The following HAO1 variants were observed in gnomAD, a reference collection of about 807,000 sequenced individuals.
HAO1 encodes the protein 2-Hydroxyacid oxidase 1.
A neutral mutation model predicts 39.7 loss-of-function variants in HAO1; 34 were observed. That is an observed-to-expected ratio of 0.86 (90% CI 0.65 to 1.14). The LOEUF is 1.14. Among genes scored for constraint, HAO1 ranks in the 50% most tolerant of loss-of-function variants. The pLI is 0.00. For missense variants in HAO1, 479 were observed against 464.5 expected (o/e 1.03, Z -0.29); for synonymous variants, 172 against 173.2 (o/e 0.99, Z 0.05).
intron 1 of HAO1, among the ~76,000 whole-genome samples, chr20:7,940,019 T>C (rs1452284951): frequency 2.0e-5 from 3 of 152,224 alleles, no homozygotes; most frequent in South Asian, 2.1e-4. Context: ...TATTTTTACA[T>C]GTAGTTAAAT....
chr20:7,927,379 CA>C (rs1168747211), intron 2 of HAO1, among the ~76,000 whole-genome samples: 3 of 151,524 alleles, frequency 2.0e-5, no homozygotes, highest in Non-Finnish European at 2.9e-5. Context: ...GAAAAAAATT[CA>C]AAAAAATAAA....
intron 3 of HAO1, 77 bp from the exon 4 acceptor site, chr20:7,906,406 G>A (rs1313211760): frequency 3.7e-6 from 3 of 817,220 alleles, no homozygotes; most frequent in Non-Finnish European, 6.1e-6. Flanking sequence ...AATGAAAAAT[G>A]TTACCCTTTT....
chr20:7,915,609 A>G (rs1038036259), intron 2 of HAO1, among the ~76,000 whole-genome samples: 5 of 152,186 alleles, frequency 3.3e-5, no homozygotes, highest in Admixed American at 3.3e-4. Flanking sequence ...AGAGAGATAG[A>G]CTTATGTATG....
intron 2 of HAO1, among the ~76,000 whole-genome samples, chr20:7,932,663 G>A (rs559492317): frequency 3.8e-4 from 58 of 151,940 alleles, no homozygotes; most frequent in Non-Finnish European, 6.8e-4. Flanking sequence ...CTACATTATT[G>A]CACTCTTCCT....
intron 5 of HAO1, among the ~76,000 whole-genome samples, chr20:7,886,903 A>G (rs746187413): frequency 2.6e-5 from 4 of 152,180 alleles, no homozygotes; most frequent in Non-Finnish European, 5.9e-5. Context: ...TGAGAAGACC[A>G]TCCACCAGGT....
chr20:7,903,243 A>G (rs1040900371), intron 4 of HAO1, among the ~76,000 whole-genome samples: 2 of 152,036 alleles, frequency 1.3e-5, no homozygotes, highest in Non-Finnish European at 2.9e-5. Context: ...GTACATGTAT[A>G]AATAAGTTAT....
chr20:7,903,667 C>A (rs1190812823), intron 4 of HAO1, among the ~76,000 whole-genome samples: 1 of 136,158 alleles, frequency 7.3e-6, no homozygotes, highest in South Asian at 2.4e-4. Context: ...GTGGTGGTGG[C>A]AGTGGTGGTG....
chr20:7,940,208 C>A (rs560133034), intron 1 of HAO1, 78 bp downstream of exon 1: 3 of 1,208,070 alleles, frequency 2.5e-6, no homozygotes, highest in Non-Finnish European at 3.4e-6. Context: ...ACACCACCAA[C>A]GTAAAACTAG....
chr20:7,888,131 T>C (rs1192445302), intron 5 of HAO1, among the ~76,000 whole-genome samples: 1 of 152,092 alleles, frequency 6.6e-6, no homozygotes, highest in Non-Finnish European at 1.5e-5. Flanking sequence ...TCCAGGAAAA[T>C]ATGGTAAGAT....
At chr20:7,907,823 C>T (rs539004691) in intron 3 of HAO1, among the ~76,000 whole-genome samples, 19 of 152,282 alleles carry the variant, frequency 1.2e-4, no homozygotes, top group African/African-American at 4.1e-4. Context: ...GGATGGATGA[C>T]TTCAGGATAC....
intron 2 of HAO1, among the ~76,000 whole-genome samples, chr20:7,915,794 A>G (rs1204277663): frequency 5.3e-5 from 8 of 152,202 alleles, no homozygotes; most frequent in Non-Finnish European, 8.8e-5. Flanking sequence ...ACAAAATGAC[A>G]TGTATTACAT....
At chr20:7,886,553 C>T (rs1031611783) in intron 5 of HAO1, among the ~76,000 whole-genome samples, 3 of 152,182 alleles carry the variant, frequency 2.0e-5, no homozygotes, top group Admixed American at 6.5e-5. Context: ...ATAGTGCAAG[C>T]AGTGTGTAAA....
At chr20:7,927,127 G>C (rs556288578) in intron 2 of HAO1, among the ~76,000 whole-genome samples, 1 of 152,132 alleles carries the variant, frequency 6.6e-6, no homozygotes, top group Non-Finnish European at 1.5e-5. Context: ...TATAGCTACT[G>C]TGCATAAAAC....
rs945809784 is a variant in HAO1, at chr20:7,883,075, A to G, written c.*518T>C. 6.4e-6 allele frequency: 1 copy of G among 157,218 alleles called. No individual in the cohort carries two copies. The highest frequency in any genetic ancestry group is 1.4e-5 in the Non-Finnish European group (1 of 70,682). 9.7% of individuals were successfully genotyped at this position (157,218 alleles called of 1,614,324 possible). On this transcript the variant is annotated 3_prime_UTR_variant, in exon 8 of 8. Transcript: ENST00000378789. ...TCAGACACTAAAGATGTGATTGGAAATCTACATTCAAAGAAGTATCACCAA... is the reference window on the plus strand; with the variant it reads ...TCAGACACTAAAGATGTGATTGGAAGTCTACATTCAAAGAAGTATCACCAA...
intron 3 of HAO1, among the ~76,000 whole-genome samples, chr20:7,910,415 C>G (rs565649270): frequency 6.6e-6 from 1 of 152,284 alleles, no homozygotes; most frequent in East Asian, 1.9e-4. Context: ...TATTATATTA[C>G]AGTTCCAAAT....
intron 3 of HAO1, 24 bp downstream of exon 3, chr20:7,914,140 C>A: frequency 6.2e-7 from 1 of 1,611,986 alleles, no homozygotes; most frequent in Non-Finnish European, 8.5e-7. Flanking sequence ...CGCCTCAGCT[C>A]GGGGCCCACA....
At chr20:7,910,173 A>G (rs1156648346) in intron 3 of HAO1, among the ~76,000 whole-genome samples, 2 of 152,210 alleles carry the variant, frequency 1.3e-5, no homozygotes, top group Non-Finnish European at 2.9e-5. Context: ...ATCCCTGCCC[A>G]TGGTAAGCAT....
chr20:7,909,600 T>A (rs2050267692), intron 3 of HAO1, among the ~76,000 whole-genome samples: 1 of 151,392 alleles, frequency 6.6e-6, no homozygotes. Context: ...TACTTTTTAA[T>A]ATAGAAGTTG....
intron 4 of HAO1, among the ~76,000 whole-genome samples, chr20:7,902,222 G>T (rs1442670166): frequency 1.3e-5 from 2 of 152,188 alleles, no homozygotes; most frequent in African/African-American, 4.8e-5. Context: ...TGGGTAAAAT[G>T]CTATCAAATA....
Sources: allele counts gnomAD v4.1 joint callset (sites outside exome capture counted in the v4.1 genomes callset), GRCh38; gene constraint gnomAD v4.1.1; transcripts MANE v1.5; gene names NCBI Gene and HGNC (gene_info 2026-07-23, HGNC 2026-07-21).